Variants in LPIN1 observed in about 807,000 individuals in gnomAD.
LPIN1 encodes phosphatidate phosphatase LPIN1.
A neutral mutation model predicts 107.5 loss-of-function variants in LPIN1; 71 were observed. That is an observed-to-expected ratio of 0.66 (90% CI 0.55 to 0.80). The LOEUF is 0.80. Among genes scored for constraint, LPIN1 ranks in the 30% least tolerant of loss-of-function variants. The pLI is 0.00. For missense variants in LPIN1, 1,043 were observed against 1,160.6 expected, an observed-to-expected ratio of 0.90 and a Z score of 1.47; for synonymous variants, 445 against 452.6, an observed-to-expected ratio of 0.98 and a Z score of 0.21.
At position 11,790,287 on chromosome 2, in the gene LPIN1, GT is replaced by G. The variant is rs140897721; in HGVS notation, c.1714-1625del. Among the ~76,000 whole-genome samples, 767 of 152,202 alleles carry G rather than the reference GT, an allele frequency of 5.0e-3. 2 individuals are homozygous for G. The highest frequency in any genetic ancestry group is 8.2e-3 in the Non-Finnish European group (558 of 68,028). ...ATCTCATATGATGAGGATCTTAGAGGTTGGCAGTTTCAGGCTTGATGAATTT... is the reference window on the plus strand; with the variant it reads ...ATCTCATATGATGAGGATCTTAGAGGTGGCAGTTTCAGGCTTGATGAATTT... On this transcript the variant is annotated intron_variant, in intron 12 of 20. Coordinates refer to ENST00000674199, the MANE Select transcript of LPIN1 (RefSeq NM_001349206.2).
intron 3 of LPIN1, among the ~76,000 whole-genome samples, chr2:11,769,727 AAGAC>A (rs1404417644): frequency 6.6e-6 from 1 of 152,166 alleles, no homozygotes; most frequent in Non-Finnish European, 1.5e-5. Context: ...GTTTTCTACT[AAGAC>A]AGACCACTTC....
At chr2:11,792,180 G>A (rs1228560818) in intron 13 of LPIN1, 174 bp downstream of exon 13, 12 of 625,330 alleles carry the variant, frequency 1.9e-5, no homozygotes, top group East Asian at 1.6e-4. Flanking sequence ...GGGAAGGTGG[G>A]GAGGAAGGTC....
At chr2:11,791,507 C>T (rs1451666479) in intron 12 of LPIN1, among the ~76,000 whole-genome samples, 1 of 152,080 alleles carries the variant, frequency 6.6e-6, no homozygotes, top group African/African-American at 2.4e-5. Context: ...CTGTTTTATC[C>T]TCTATCCCAT....
intron 1 of LPIN1, among the ~76,000 whole-genome samples, chr2:11,729,926 G>C (rs1665024262): frequency 6.6e-6 from 1 of 151,914 alleles, no homozygotes; most frequent in Admixed American, 6.6e-5. Flanking sequence ...TGGTTGTTTG[G>C]TATTCTCTGG....
In LPIN1 at chr2:11,759,899, C is replaced by T. The variant is rs1314944621; in HGVS notation, c.-9-5634C>T. ...CCTCCCGGACGGGGTGGCTGCCGGGCGGAGACGCTCCTCACTTCCCAGACG... is the reference window on the plus strand; with the variant it reads ...CCTCCCGGACGGGGTGGCTGCCGGGTGGAGACGCTCCTCACTTCCCAGACG... On this transcript the variant is annotated intron_variant, in intron 1 of 20. Coordinates refer to ENST00000674199, the MANE Select transcript of LPIN1 (RefSeq NM_001349206.2). 4.0e-5 allele frequency among the ~76,000 whole-genome samples: 6 copies of T among 151,222 alleles called. No individual in the cohort carries two copies. The East Asian group carries it at 9.8e-4, about 25-fold the overall frequency.
chr2:11,804,518 G>A lies in LPIN1; in HGVS notation c.2109G>A (p.Leu703=). ...GTCRCEGTIY[L]WNWDDKVIIS... ...GCCGCTGTGAGGGCACCATCTATCT[G>A]TGGAACTGGGATGATAAAGTCATCA... is the stretch of plus-strand genomic sequence containing the variant. Residue 703 remains leucine, a synonymous_variant, in exon 16 of 21, where the codon CTG becomes CTA. Coordinates refer to ENST00000674199, the MANE Select transcript of LPIN1 (RefSeq NM_001349206.2). 1 of 1,614,226 alleles carries A rather than the reference G, an allele frequency of 6.2e-7. No individual in the cohort carries two copies. Among genetic ancestry groups the A allele is most frequent in the Non-Finnish European group, 8.5e-7 (1 of 1,180,044 alleles).
Position 11,824,730 on chromosome 2 carries a change from C to G in LPIN1, c.2720C>G (p.Thr907Ser). Residue 907 changes from threonine to serine, a missense_variant, in exon 21 of 21, where the codon ACC (threonine) becomes AGC (serine). Coordinates refer to ENST00000674199, the MANE Select transcript of LPIN1 (RefSeq NM_001349206.2). Reference sequence around the variant, plus strand: ...TGTTCGGATACCTTCAGTAACTTCACCTTTTGGAGAGAGCCACTGCCACCT... The same window carrying G: ...TGTTCGGATACCTTCAGTAACTTCAGCTTTTGGAGAGAGCCACTGCCACCT... ...FPCSDTFSNF[T>S]FWREPLPPFE... The G allele has an allele frequency of 6.2e-7, 1 of 1,614,180 alleles. No individual in the cohort carries two copies.
At position 11,787,177 on chromosome 2, in the gene LPIN1, T is replaced by C. The variant is rs1293706652; in HGVS notation, c.1643+10T>C. ...TAAAGATTGGGAGTAAGTAAGTACC[T>C]CTTGAAAGTCACTTTGGCAGTAGCA... On this transcript the variant is annotated intron_variant, in intron 11 of 20. Transcript: ENST00000674199. 1.0e-5 allele frequency: 16 copies of C among 1,581,536 alleles called. No homozygotes were observed. Among genetic ancestry groups the C allele is most frequent in the Non-Finnish European group, 1.4e-5 (16 of 1,150,384 alleles).
upstream of LPIN1, among the ~76,000 whole-genome samples, chr2:11,744,353 G>T (rs947969101): frequency 2.6e-5 from 4 of 152,222 alleles, no homozygotes; most frequent in Admixed American, 1.3e-4. Context: ...AAGCGCCAGG[G>T]CTTTGGAAAG....
chr2:11,818,421 T>C (rs1187536460), intron 18 of LPIN1: 1 of 152,298 alleles, frequency 6.6e-6, no homozygotes, highest in Non-Finnish European at 1.5e-5. Flanking sequence ...AGACATTTTA[T>C]ATTTTAAAAT....
chr2:11,787,387 C>CTTTTGTTTTTTTTT (rs1674778008), intron 11 of LPIN1, among the ~76,000 whole-genome samples: 1 of 131,620 alleles, frequency 7.6e-6, no homozygotes, highest in African/African-American at 3.0e-5. Flanking sequence ...GTTTTCTTTT[C>CTTTTGTTTTTTTTT]TTTTCTTTTT....
intron 16 of LPIN1, 30 bp downstream of exon 16, chr2:11,804,601 A>T (rs1476206467): frequency 1.2e-6 from 2 of 1,607,892 alleles, no homozygotes; most frequent in African/African-American, 2.8e-5. Flanking sequence ...GGCCCATGGT[A>T]GATTTCTTTG....
At chr2:11,824,388 A>G (rs1330966982) in intron 20 of LPIN1, among the ~76,000 whole-genome samples, 1 of 151,272 alleles carries the variant, frequency 6.6e-6, no homozygotes, top group African/African-American at 2.4e-5. Flanking sequence ...CCTGTCCTTC[A>G]AGTGAAGTCA....
chr2:11,824,913 A>G lies in LPIN1; in HGVS notation c.*122A>G. 1 of 1,154,522 alleles carries G rather than the reference A, an allele frequency of 8.7e-7. No homozygotes were observed. Among genetic ancestry groups the G allele is most frequent in the Non-Finnish European group, 1.3e-6 (1 of 790,308 alleles). The allele number at this position is 1,154,522 out of a possible 1,614,324, so 71.5% of individuals were successfully genotyped here. On this transcript the variant is annotated 3_prime_UTR_variant, in exon 21 of 21. Coordinates refer to ENST00000674199, the MANE Select transcript of LPIN1 (RefSeq NM_001349206.2). ...GGCGCGTCATCATTGGCCTGACAGCAGAGAGAATTGAGAAGCATTTCTCCC... is the reference window on the plus strand; with the variant it reads ...GGCGCGTCATCATTGGCCTGACAGCGGAGAGAATTGAGAAGCATTTCTCCC...
At chr2:11,784,850 T>A (rs774668294) in intron 9 of LPIN1, 36 bp from the exon 10 acceptor site, 1 of 1,608,104 alleles carries the variant, frequency 6.2e-7, no homozygotes, top group Non-Finnish European at 8.5e-7. Context: ...ACTGGGACAG[T>A]CCTCAGCCGG....
chr2:11,715,583 GA>G (rs1216101978), intron 2 of LPIN1, among the ~76,000 whole-genome samples: 1 of 152,244 alleles, frequency 6.6e-6, no homozygotes, highest in Non-Finnish European at 1.5e-5. Flanking sequence ...ATCCTGAGCA[GA>G]AAGTGCTTGC....
intron 2 of LPIN1, among the ~76,000 whole-genome samples, chr2:11,717,359 T>A (rs1389827041): frequency 6.6e-6 from 1 of 152,308 alleles, no homozygotes; most frequent in South Asian, 2.1e-4. Flanking sequence ...TATTTTAGTT[T>A]GTTCTATGTT....
intron 1 of LPIN1, among the ~76,000 whole-genome samples, chr2:11,753,674 T>C (rs1294439796): frequency 6.6e-6 from 1 of 152,228 alleles, no homozygotes; most frequent in African/African-American, 2.4e-5. Flanking sequence ...TCACAGGTAA[T>C]TCATCACCCT....
chr2:11,790,345 T>C (rs1013081053), intron 12 of LPIN1, among the ~76,000 whole-genome samples: 5 of 152,234 alleles, frequency 3.3e-5, no homozygotes, highest in Non-Finnish European at 1.5e-5. Context: ...TCTCAGCTTT[T>C]CCTTGATGGT....
Sources: allele counts gnomAD v4.1 joint callset (sites outside exome capture counted in the v4.1 genomes callset), GRCh38; gene constraint gnomAD v4.1.1; transcripts MANE v1.5; gene names NCBI Gene and HGNC (gene_info 2026-07-23, HGNC 2026-07-21).